EPHA6: variants seen among roughly 807,000 people sequenced by gnomAD.
EPHA6 encodes the protein EPH receptor A6.
EPHA6 carries 50 observed loss-of-function variants against 112.0 expected under a neutral mutation model. That is an observed-to-expected ratio of 0.45 (90% confidence interval 0.36 to 0.56). EPHA6 has a LOEUF of 0.56. Among genes scored for constraint, EPHA6 ranks in the 20% least tolerant of loss-of-function variants. The pLI, the probability that EPHA6 is intolerant of heterozygous loss-of-function variation, is 0.00. For synonymous variants in EPHA6, 529 were observed against 490.7 expected (o/e 1.08, Z -1.03); for missense variants, 1,280 against 1,417.4 (o/e 0.90, Z 1.56).
chr3:97,490,636 G>A (rs2091815813), intron 10 of EPHA6, among the ~76,000 whole-genome samples: 1 of 152,108 alleles, frequency 6.6e-6, no homozygotes, highest in Admixed American at 6.5e-5. Flanking sequence ...CTTTCTTATG[G>A]CTAAGAAACA....
chr3:97,059,601 C>T (rs1383340386), intron 3 of EPHA6, among the ~76,000 whole-genome samples: 2 of 151,302 alleles, frequency 1.3e-5, no homozygotes, highest in African/African-American at 4.9e-5. Context: ...CATCATAGAT[C>T]AGCTCATATT....
intron 2 of EPHA6, among the ~76,000 whole-genome samples, chr3:96,976,644 C>T (rs1465376396): frequency 6.6e-6 from 1 of 152,082 alleles, no homozygotes; most frequent in East Asian, 1.9e-4. Flanking sequence ...CATCTTTAGA[C>T]CCAGGAAGGG....
At chr3:96,921,954 T>A (rs62263687) in intron 2 of EPHA6, among the ~76,000 whole-genome samples, 4,757 of 152,184 alleles carry the variant, frequency 0.031, 105 homozygotes, top group Middle Eastern at 0.065. Flanking sequence ...AATTTAAATA[T>A]CTAGAAGAAT....
chr3:97,014,482 A>T (rs1407401128), intron 3 of EPHA6, among the ~76,000 whole-genome samples: 2 of 148,884 alleles, frequency 1.3e-5, no homozygotes, highest in Non-Finnish European at 3.0e-5. Context: ...CTGTTATGGC[A>T]TAAATATGCA....
intron 3 of EPHA6, among the ~76,000 whole-genome samples, chr3:97,091,524 G>A (rs2047064841): frequency 6.6e-6 from 1 of 152,042 alleles, no homozygotes; most frequent in African/African-American, 2.4e-5. Flanking sequence ...AAGTTCAAAG[G>A]CATAGATTCT....
chr3:97,204,501 T>C (rs1157385847), intron 3 of EPHA6, among the ~76,000 whole-genome samples: 1 of 152,066 alleles, frequency 6.6e-6, no homozygotes, highest in Non-Finnish European at 1.5e-5. Context: ...ACAAAGTTAG[T>C]AAGTGGATGG....
intron 5 of EPHA6, among the ~76,000 whole-genome samples, chr3:97,277,222 A>C (rs2080117658): frequency 6.6e-6 from 1 of 152,164 alleles, no homozygotes; most frequent in Non-Finnish European, 1.5e-5. Flanking sequence ...CTGAGTCCGA[A>C]AAGAGAGTCA....
At chr3:97,688,591 G>T (rs1448279603) in intron 14 of EPHA6, among the ~76,000 whole-genome samples, 1 of 104,536 alleles carries the variant, frequency 9.6e-6, no homozygotes, top group African/African-American at 3.6e-5. Context: ...GGGGGGAGGG[G>T]GGAGGGATAG....
In EPHA6 at chr3:97,643,359, C is replaced by G. The variant is rs557563177; in HGVS notation, c.2784+5277C>G. ...ATCATGCCAAAATGTAATGACCATCCAGACTAGGAAGAAACTGCATCAACT... is the reference window on the plus strand; with the variant it reads ...ATCATGCCAAAATGTAATGACCATCGAGACTAGGAAGAAACTGCATCAACT... On this transcript the variant is annotated intron_variant, in intron 14 of 17. Transcript: ENST00000389672. 2.5e-4 allele frequency among the ~76,000 whole-genome samples: 38 copies of G among 151,744 alleles called. No homozygotes were observed. In the South Asian group the frequency reaches 2.7e-3, roughly 11 times the overall value.
At position 97,238,101 on chromosome 3, in the gene EPHA6, C is replaced by A. The variant is rs148311378; in HGVS notation, c.1271-5851C>A. On this transcript the variant is annotated intron_variant, in intron 4 of 17. Coordinates refer to ENST00000389672, the MANE Select transcript of EPHA6 (RefSeq NM_001080448.3). The stretch of plus-strand genomic sequence containing the variant: ...TTCCCAAGCTAAAATTATGTACATG[C>A]TGTATGGCATAGAAACTTGAAGATG... 3.3e-3 allele frequency among the ~76,000 whole-genome samples: 503 copies of A among 152,018 alleles called. 1 individual carries two copies. Among genetic ancestry groups the A allele is most frequent in the African/African-American group, 0.011 (466 of 41,518 alleles).
chr3:97,697,390 C>T (rs528105360), intron 14 of EPHA6, among the ~76,000 whole-genome samples: 12 of 152,206 alleles, frequency 7.9e-5, no homozygotes, highest in Non-Finnish European at 1.6e-4. Flanking sequence ...AGAAAGAGTA[C>T]TATTTTAACA....
intron 11 of EPHA6, among the ~76,000 whole-genome samples, chr3:97,539,153 C>CTT (rs796213678): frequency 2.8e-5 from 3 of 105,374 alleles, no homozygotes; most frequent in South Asian, 3.0e-4. Flanking sequence ...TTTCTTCTTT[C>CTT]TTTTTTTTTT....
At chr3:97,502,743 G>A (rs1400983935) in intron 10 of EPHA6, among the ~76,000 whole-genome samples, 4 of 142,272 alleles carry the variant, frequency 2.8e-5, no homozygotes, top group African/African-American at 1.0e-4. Context: ...CTGAGGGAGG[G>A]GAATCACTTG....
intron 3 of EPHA6, among the ~76,000 whole-genome samples, chr3:97,020,397 C>G (rs1274911557): frequency 2.0e-5 from 3 of 152,158 alleles, no homozygotes; most frequent in Non-Finnish European, 4.4e-5. Flanking sequence ...TGTTATGTAA[C>G]TCTGGACAAG....
intron 3 of EPHA6, among the ~76,000 whole-genome samples, chr3:97,127,885 T>TTAC (rs2048226896): frequency 6.6e-6 from 1 of 152,092 alleles, no homozygotes; most frequent in Admixed American, 6.6e-5. Context: ...TTTTTTTATT[T>TTAC]TACTAGCTTT....
rs572739871 is a variant in EPHA6, at chr3:96,857,570, A to T, written c.386-9255A>T. The stretch of plus-strand genomic sequence containing the variant: ...AGTTTCCAGTAGGAATTTGTCCTAC[A>T]TAATTCTCATGATTTTATTTATCAA... On this transcript the variant is annotated intron_variant, in intron 1 of 17. Transcript: ENST00000389672. Among the ~76,000 whole-genome samples the T allele has an allele frequency of 2.6e-5, 4 of 152,310 alleles. No homozygotes were observed. The South Asian group carries it at 8.3e-4, about 32-fold the overall frequency.
intron 3 of EPHA6, among the ~76,000 whole-genome samples, chr3:97,106,876 A>C (rs777809854): frequency 2.0e-4 from 31 of 152,240 alleles, no homozygotes; most frequent in Non-Finnish European, 3.1e-4. Context: ...GAGGATAAGG[A>C]AATTTTTCTC....
chr3:97,578,443 C>T (rs2093407916), intron 11 of EPHA6, among the ~76,000 whole-genome samples: 1 of 152,196 alleles, frequency 6.6e-6, no homozygotes, highest in South Asian at 2.1e-4. Context: ...TCACTGATCA[C>T]ATAGCTTCAT....
intron 3 of EPHA6, among the ~76,000 whole-genome samples, chr3:97,038,632 C>T (rs1035258050): frequency 1.3e-5 from 2 of 152,090 alleles, no homozygotes; most frequent in African/African-American, 2.4e-5. Flanking sequence ...GTAGTCCCAT[C>T]ATCCCCCTTT....
Sources: gnomAD v4.1 joint callset for allele counts (sites outside exome capture counted in the v4.1 genomes callset) on GRCh38, gnomAD v4.1.1 for gene constraint, MANE v1.5 for transcripts, NCBI Gene and HGNC (gene_info 2026-07-23, HGNC 2026-07-21) for gene names.